CCDC73: variants seen among roughly 807,000 people sequenced by gnomAD.
The protein encoded by CCDC73 is coiled-coil domain containing 73, also known as coiled-coil domain-containing protein 73.
A neutral mutation model predicts 116.5 loss-of-function variants in CCDC73; 95 were observed. The ratio of observed to expected loss-of-function variants is 0.82; its 90% CI spans 0.69 to 0.97. CCDC73 has a LOEUF of 0.97. CCDC73 is among the 50% of genes least tolerant of loss of function. The pLI is 0.00. For missense variants in CCDC73, 1,066 were observed against 1,206.8 expected, an observed-to-expected ratio of 0.88 and a Z score of 1.73; for synonymous variants, 398 against 401.3, an observed-to-expected ratio of 0.99 and a Z score of 0.10.
At chr11:32,671,768 T>C (rs1489706325) in intron 9 of CCDC73, among the ~76,000 whole-genome samples, 1 of 152,214 alleles carries the variant, frequency 6.6e-6, no homozygotes, top group Non-Finnish European at 1.5e-5. Context: ...TACCCTTCTA[T>C]AACAGTCTGT....
At chr11:32,771,275 C>T (rs1481814055) in intron 1 of CCDC73, among the ~76,000 whole-genome samples, 2 of 152,106 alleles carry the variant, frequency 1.3e-5, no homozygotes, top group African/African-American at 4.8e-5. Context: ...CATTTGCAAA[C>T]AGAGGCCATG....
chr11:32,729,807 CA>C (rs923225571), intron 2 of CCDC73, among the ~76,000 whole-genome samples: 25 of 152,134 alleles, frequency 1.6e-4, no homozygotes, highest in Non-Finnish European at 1.5e-5. Context: ...CTTCTTTCAA[CA>C]GTGAAAAAAT....
chr11:32,616,112 ATTTAC>A lies in CCDC73; in HGVS notation c.1198_1202del (p.Val400Ter), dbSNP rs769651191. The A allele has an allele frequency of 6.3e-7, 1 of 1,577,696 alleles. No individual in the cohort carries two copies. Among genetic ancestry groups the A allele is most frequent in the South Asian group, 1.2e-5 (1 of 83,676 alleles). On this transcript the variant is annotated frameshift_variant, in exon 15 of 18. Coordinates refer to ENST00000335185, the MANE Select transcript of CCDC73 (RefSeq NM_001008391.4). LOFTEE classifies it high-confidence loss of function. ...CAGTTGACATTTCACTGTTTTCATT[ATTTAC>A]TTCTGGAACATTCTAGTGTAAAATG...
chr11:32,699,858 A>G (rs1445954750), intron 5 of CCDC73, among the ~76,000 whole-genome samples: 1 of 126,936 alleles, frequency 7.9e-6, no homozygotes, highest in African/African-American at 3.0e-5. Context: ...GTGCACATGT[A>G]CCCTAGAACT....
rs549089588 is a variant in CCDC73 at position 32,729,386 on chromosome 11, T to C, written c.136-11239A>G. Among the ~76,000 whole-genome samples the C allele has an allele frequency of 1.2e-4, 18 of 152,330 alleles. 1 individual carries two copies. In the South Asian group the frequency reaches 3.1e-3, roughly 26 times the overall value. Reference sequence around the variant, plus strand: ...TATGGCTGCATAATATTCCATGGTGTGTATATACCATATTTTATTTATCCT... The same window carrying C: ...TATGGCTGCATAATATTCCATGGTGCGTATATACCATATTTTATTTATCCT... On this transcript the variant is annotated intron_variant, in intron 2 of 17. Transcript: ENST00000335185.
the CCDC73 span, among the ~76,000 whole-genome samples, chr11:32,823,588 T>C: frequency 2.7e-5 from 4 of 149,344 alleles, no homozygotes; most frequent in African/African-American, 9.9e-5. Flanking sequence ...AAGAAAGATA[T>C]ACAAATTCAG....
Position 32,690,188 on chromosome 11 carries a change from AT to A in CCDC73, c.391-6615del, listed in dbSNP as rs1173076073. On this transcript the variant is annotated intron_variant, in intron 6 of 17. Transcript: ENST00000335185. Reference sequence around the variant, plus strand: ...GACTTAAATTGTTCCCAAAAAATATATTAATTTTCACGTCACAAAATAACTC... The same window carrying A: ...GACTTAAATTGTTCCCAAAAAATATATAATTTTCACGTCACAAAATAACTC... Among the ~76,000 whole-genome samples, 3 of 152,218 alleles carry A rather than the reference AT, an allele frequency of 2.0e-5. No individual in the cohort carries two copies. In the East Asian group the frequency reaches 5.8e-4, roughly 29 times the overall value.
Position 32,651,184 on chromosome 11 carries a change from C to A in CCDC73, c.939+1939G>T, listed in dbSNP as rs191004918. The stretch of plus-strand genomic sequence containing the variant: ...ATCTTCCCTTCCCATGGGGCCTTCA[C>A]CCCAACCCATGGCAAATGGGTGACT... On this transcript the variant is annotated intron_variant, in intron 12 of 17. Coordinates refer to ENST00000335185, the MANE Select transcript of CCDC73 (RefSeq NM_001008391.4). 1.6e-4 allele frequency among the ~76,000 whole-genome samples: 24 copies of A among 152,240 alleles called. No homozygotes were observed. The East Asian group carries it at 4.6e-3, about 29-fold the overall frequency.
chr11:32,677,955 CAAAAAA>C (rs34907847), intron 7 of CCDC73, among the ~76,000 whole-genome samples: 5 of 64,276 alleles, frequency 7.8e-5, no homozygotes, highest in Non-Finnish European at 1.1e-4. Context: ...GATTCCATCT[CAAAAAA>C]AAAAAAAAAA....
At chr11:32,810,675 A>G in the CCDC73 span, among the ~76,000 whole-genome samples, 61 of 152,288 alleles carry the variant, frequency 4.0e-4, 2 homozygotes, top group South Asian at 0.012. Context: ...TTTTTGTAGG[A>G]TTCAAATGGA....
At chr11:32,737,231 CTGTGTGTGTGTGTGTGTGTG>C (rs200606807) in intron 2 of CCDC73, among the ~76,000 whole-genome samples, 8 of 137,564 alleles carry the variant, frequency 5.8e-5, no homozygotes, top group African/African-American at 1.1e-4. Flanking sequence ...CATAGTAGGG[CTGTGTGTGTGTGTGTGTGTG>C]TGTGTGTGTG....
At chr11:32,784,517 G>A (rs879273338) in intron 1 of CCDC73, among the ~76,000 whole-genome samples, 3 of 152,130 alleles carry the variant, frequency 2.0e-5, no homozygotes, top group Non-Finnish European at 4.4e-5. Context: ...TAGAGCAAAA[G>A]ACAAAAGAAA....
the CCDC73 span, among the ~76,000 whole-genome samples, chr11:32,815,053 CTA>C: frequency 2.6e-5 from 4 of 152,130 alleles, no homozygotes; most frequent in African/African-American, 9.7e-5. Context: ...TGAATGACTG[CTA>C]ATGAGTGGGG....
chr11:32,741,515 G>A (rs958092769), intron 2 of CCDC73, among the ~76,000 whole-genome samples: 27 of 151,366 alleles, frequency 1.8e-4, no homozygotes, highest in African/African-American at 4.4e-4. Context: ...CTCTTTTTTG[G>A]TTTCCATTTG....
At chr11:32,735,557 T>C (rs1312697047) in intron 2 of CCDC73, among the ~76,000 whole-genome samples, 1 of 152,116 alleles carries the variant, frequency 6.6e-6, no homozygotes, top group African/African-American at 2.4e-5. Context: ...ATAGGAAGAA[T>C]CAATATCGTG....
rs747148105 is a variant in CCDC73, at chr11:32,614,047, G to A, written c.2271C>T (p.Asn757=). ...TMCKNMSDMQ[N]SQFNNCLGYL... ...ATCCCAAACAGTTATTAAATTGACTGTTTTGCATATCACTCATATTTTTAC... is the reference window on the plus strand; with the variant it reads ...ATCCCAAACAGTTATTAAATTGACTATTTTGCATATCACTCATATTTTTAC... Residue 757 remains asparagine, a synonymous_variant, in exon 16 of 18, where the codon AAC becomes AAT. Coordinates refer to ENST00000335185, the MANE Select transcript of CCDC73 (RefSeq NM_001008391.4). 7.4e-6 allele frequency: 12 copies of A among 1,612,626 alleles called. 1 individual carries two copies. In the African/African-American group the frequency reaches 1.5e-4, roughly 20 times the overall value.
At chr11:32,734,058 A>G (rs950413261) in intron 2 of CCDC73, among the ~76,000 whole-genome samples, 2 of 152,234 alleles carry the variant, frequency 1.3e-5, no homozygotes, top group African/African-American at 4.8e-5. Flanking sequence ...GAGAAGAATC[A>G]AATAGTCGCA....
At chr11:32,753,612 C>T (rs777203380) in intron 2 of CCDC73, among the ~76,000 whole-genome samples, 15 of 152,006 alleles carry the variant, frequency 9.9e-5, no homozygotes, top group Non-Finnish European at 2.2e-4. Flanking sequence ...TTACAAGCAC[C>T]CATCACCATG....
intron 17 of CCDC73, among the ~76,000 whole-genome samples, chr11:32,607,611 G>C (rs962904058): frequency 1.3e-5 from 2 of 151,810 alleles, no homozygotes; most frequent in Non-Finnish European, 2.9e-5. Flanking sequence ...TGTTTGTTTT[G>C]ATTCTATGAC....
Sources: allele counts gnomAD v4.1 joint callset (sites outside exome capture counted in the v4.1 genomes callset), GRCh38; gene constraint gnomAD v4.1.1; transcripts MANE v1.5; gene names NCBI Gene and HGNC (gene_info 2026-07-23, HGNC 2026-07-21).